Variants in STK32C observed in about 807,000 individuals in gnomAD.
STK32C encodes the protein serine/threonine-protein kinase 32C.
Under a neutral mutation model 56.5 loss-of-function variants are expected in STK32C, and 31 were observed. The observed-to-expected ratio is 0.55, with a 90% CI of 0.41 to 0.74. STK32C has a LOEUF of 0.74. Ranked by LOEUF, STK32C falls within the 30% of genes least tolerant of loss-of-function variation. The pLI is 0.00. For missense variants in STK32C, 544 were observed against 676.9 expected, an observed-to-expected ratio of 0.80 and a Z score of 2.18; for synonymous variants, 309 against 289.4, an observed-to-expected ratio of 1.07 and a Z score of -0.69.
intron 1 of STK32C, among the ~76,000 whole-genome samples, chr10:132,254,072 G>C (rs575287518): frequency 6.6e-6 from 1 of 152,234 alleles, no homozygotes; most frequent in South Asian, 2.1e-4. Context: ...CACTTAGGGA[G>C]GCCGAGGCAG....
intron 2 of STK32C, among the ~76,000 whole-genome samples, chr10:132,231,327 G>T (rs145368252): frequency 3.9e-5 from 6 of 152,228 alleles, no homozygotes; most frequent in Non-Finnish European, 1.5e-5. Context: ...CACAGTCCAA[G>T]CCCCTGGCCT....
chr10:132,266,249 TTC>T (rs901000695), intron 1 of STK32C, among the ~76,000 whole-genome samples: 12 of 152,134 alleles, frequency 7.9e-5, no homozygotes, highest in Non-Finnish European at 1.3e-4. Context: ...CGTCGTGCGA[TTC>T]TGTTTGTGTG....
At chr10:132,305,798 T>A (rs1286911288) in intron 1 of STK32C, among the ~76,000 whole-genome samples, 2 of 152,216 alleles carry the variant, frequency 1.3e-5, no homozygotes, top group African/African-American at 4.8e-5. Context: ...CGCCCAGAGA[T>A]GTCCTCTGCT....
chr10:132,228,758 T>G (rs776487006), intron 2 of STK32C, among the ~76,000 whole-genome samples: 1 of 152,228 alleles, frequency 6.6e-6, no homozygotes, highest in Non-Finnish European at 1.5e-5. Flanking sequence ...CAACCATGGC[T>G]GCAGCTTCAC....
At chr10:132,331,963 C>T, upstream of STK32C, 1 of 514,440 alleles carries the variant, frequency 1.9e-6, no homozygotes, top group Admixed American at 4.3e-5. Flanking sequence ...AGGCGCACCA[C>T]ACCCCGCCCC....
At chr10:132,234,261 G>A (rs997909209) in intron 2 of STK32C, among the ~76,000 whole-genome samples, 3 of 152,140 alleles carry the variant, frequency 2.0e-5, no homozygotes, top group Non-Finnish European at 2.9e-5. Context: ...CTTGACAGCC[G>A]CTTCCAAGGG....
At chr10:132,317,901 C>A (rs1207106807) in intron 1 of STK32C, among the ~76,000 whole-genome samples, 3 of 150,112 alleles carry the variant, frequency 2.0e-5, no homozygotes, top group South Asian at 4.2e-4. Context: ...TCGCTTGAAC[C>A]CAGGAGGCAA....
At position 132,224,285 on chromosome 10, in the gene STK32C, G is replaced by A. The variant is rs139441230; in HGVS notation, c.993+122C>T. The A allele has an allele frequency of 9.1e-5, 66 of 727,192 alleles. No homozygotes were observed. The East Asian group carries it at 1.7e-3, about 19-fold the overall frequency. 45.0% of individuals were successfully genotyped at this position (727,192 alleles called of 1,614,324 possible). ...GAGGCCCCCACAGGTTGCAGTGAAGGGATCTGTGCCTGCCAGGAAGCGGCA... is the reference window on the plus strand; with the variant it reads ...GAGGCCCCCACAGGTTGCAGTGAAGAGATCTGTGCCTGCCAGGAAGCGGCA... On this transcript the variant is annotated intron_variant, in intron 8 of 11. Coordinates refer to ENST00000298630, the MANE Select transcript of STK32C (RefSeq NM_173575.4).
upstream of STK32C, among the ~76,000 whole-genome samples, chr10:132,308,612 G>A (rs2066157017): frequency 6.6e-6 from 1 of 152,038 alleles, no homozygotes; most frequent in African/African-American, 2.4e-5. Context: ...GCGCGCACAC[G>A]CGGGCGCCTG....
upstream of STK32C, among the ~76,000 whole-genome samples, chr10:132,309,355 C>A (rs2066176967): frequency 6.6e-6 from 1 of 151,742 alleles, no homozygotes; most frequent in Non-Finnish European, 1.5e-5. Flanking sequence ...ATGCACCCGC[C>A]TGGACATGCA....
intron 1 of STK32C, among the ~76,000 whole-genome samples, chr10:132,271,925 C>T (rs538116458): frequency 3.9e-5 from 6 of 152,342 alleles, no homozygotes; most frequent in South Asian, 4.1e-4. Flanking sequence ...GCTCAGTGCC[C>T]GGACGCCCGG....
At chr10:132,298,323 TCTA>T (rs1322687968) in intron 1 of STK32C, among the ~76,000 whole-genome samples, 1 of 152,222 alleles carries the variant, frequency 6.6e-6, no homozygotes, top group African/African-American at 2.4e-5. Flanking sequence ...CCCGGCATCT[TCTA>T]CTCTGCGTCT....
intron 1 of STK32C, among the ~76,000 whole-genome samples, chr10:132,328,242 A>G (rs1161515595): frequency 6.6e-6 from 1 of 152,016 alleles, no homozygotes; most frequent in Non-Finnish European, 1.5e-5. Context: ...AGGAGTGCTG[A>G]TTGGTCAGGT....
chr10:132,256,774 GC>G (rs1246597915), intron 1 of STK32C, among the ~76,000 whole-genome samples: 1 of 152,222 alleles, frequency 6.6e-6, no homozygotes, highest in African/African-American at 2.4e-5. Flanking sequence ...AGGCCGCCTG[GC>G]CCTGCAGCAG....
chr10:132,255,806 G>C lies in STK32C; in HGVS notation c.263-9851C>G, dbSNP rs1023123867. 6.6e-6 allele frequency among the ~76,000 whole-genome samples: 1 copy of C among 152,158 alleles called. No individual in the cohort carries two copies. The highest frequency in any genetic ancestry group is 2.4e-5 in the African/African-American group (1 of 41,428). ...GCCTGGAGCCTCGAGGTCATGCCTGGGTGCCAGCACCATGGCCCAGCATTA... is the reference window on the plus strand; with the variant it reads ...GCCTGGAGCCTCGAGGTCATGCCTGCGTGCCAGCACCATGGCCCAGCATTA... On this transcript the variant is annotated intron_variant, in intron 1 of 11. Transcript: ENST00000298630. The surrounding 1 kb of genome is among the most constrained non-coding windows in gnomAD (Gnocchi z 4.6).
chr10:132,225,628 G>C lies in STK32C; in HGVS notation c.683-12C>G, dbSNP rs2130893. 0.27 allele frequency: 436,839 copies of C among 1,609,148 alleles called. 63,511 individuals carry two copies. Among genetic ancestry groups the C allele is most frequent in the Admixed American group, 0.43 (25,484 of 59,896 alleles). On this transcript the variant is annotated splice_polypyrimidine_tract_variant and intron_variant, in intron 5 of 11. Transcript: ENST00000298630. ...CAGGTGTGCATGTCCTGTGCAGAGAGGGGTCAGGTGTGGCTGTCCCAGGAC... is the reference window on the plus strand; with the variant it reads ...CAGGTGTGCATGTCCTGTGCAGAGACGGGTCAGGTGTGGCTGTCCCAGGAC...
chr10:132,210,400 G>A (rs1178376129), intron 10 of STK32C, among the ~76,000 whole-genome samples: 1 of 152,216 alleles, frequency 6.6e-6, no homozygotes, highest in Non-Finnish European at 1.5e-5. Context: ...GGGATTACAG[G>A]TGCCCACCAC....
chr10:132,276,608 C>T (rs1235858743), intron 1 of STK32C, among the ~76,000 whole-genome samples: 1 of 142,830 alleles, frequency 7.0e-6, no homozygotes, highest in Admixed American at 6.9e-5. Context: ...ACAGCAAGAC[C>T]CCCATCTCTG....
chr10:132,236,277 C>G (rs143460316), intron 2 of STK32C, among the ~76,000 whole-genome samples: 3,933 of 152,366 alleles, frequency 0.026, 74 homozygotes, highest in Non-Finnish European at 0.038. Context: ...GCTCTGGGCC[C>G]ACGCGGAGGC....
Sources: allele counts gnomAD v4.1 joint callset (sites outside exome capture counted in the v4.1 genomes callset), GRCh38; gene constraint gnomAD v4.1.1; non-coding constraint Gnocchi (gnomAD v3.1); transcripts MANE v1.5; gene names NCBI Gene and HGNC (gene_info 2026-07-23, HGNC 2026-07-21).